SPOCK3: variants seen among roughly 807,000 people sequenced by gnomAD.
SPOCK3 encodes SPARC (osteonectin), cwcv and kazal like domains proteoglycan 3, also known as testican-3.
A neutral mutation model predicts 56.6 loss-of-function variants in SPOCK3; 30 were observed. The ratio of observed to expected loss-of-function variants is 0.53; its 90% CI spans 0.40 to 0.72. The LOEUF is 0.72. SPOCK3 is among the 30% of genes least tolerant of loss of function. SPOCK3 has a pLI of 0.00. For synonymous variants in SPOCK3, 196 were observed against 183.3 expected, an observed-to-expected ratio of 1.07 and a Z score of -0.56; for missense variants, 527 against 530.0, an observed-to-expected ratio of 0.99 and a Z score of 0.06.
At chr4:166,796,170 T>G (rs1404727881) in intron 6 of SPOCK3, among the ~76,000 whole-genome samples, 1 of 152,206 alleles carries the variant, frequency 6.6e-6, no homozygotes, top group Non-Finnish European at 1.5e-5. Flanking sequence ...TTCTGTTGTT[T>G]ATAAGCCTGT....
At chr4:166,769,187 C>T (rs779916738) in intron 7 of SPOCK3, among the ~76,000 whole-genome samples, 1 of 152,180 alleles carries the variant, frequency 6.6e-6, no homozygotes, top group Non-Finnish European at 1.5e-5. Flanking sequence ...TCTCTCAACT[C>T]GTCAAAGTTA....
At chr4:166,736,279 A>C (rs544139924) in intron 10 of SPOCK3, among the ~76,000 whole-genome samples, 57 of 152,102 alleles carry the variant, frequency 3.7e-4, no homozygotes, top group Admixed American at 1.4e-3. Flanking sequence ...TCATCTCCAT[A>C]TAACTTTTAT....
At chr4:166,783,311 A>T (rs1740378432) in intron 7 of SPOCK3, among the ~76,000 whole-genome samples, 1 of 152,054 alleles carries the variant, frequency 6.6e-6, no homozygotes, top group Admixed American at 6.6e-5. Flanking sequence ...GTGAGCTGAG[A>T]TCATGCCACT....
intron 7 of SPOCK3, among the ~76,000 whole-genome samples, chr4:166,790,037 T>C (rs995514685): frequency 2.0e-5 from 3 of 152,216 alleles, no homozygotes; most frequent in African/African-American, 7.2e-5. Flanking sequence ...AGGGCACTAA[T>C]TGAGTGACTA....
At chr4:166,874,914 C>A (rs1732918232) in intron 6 of SPOCK3, among the ~76,000 whole-genome samples, 1 of 152,074 alleles carries the variant, frequency 6.6e-6, no homozygotes. Flanking sequence ...TATAAATAGA[C>A]TAGAATATCA....
At chr4:166,887,463 C>T (rs1353561989) in intron 6 of SPOCK3, among the ~76,000 whole-genome samples, 1 of 152,052 alleles carries the variant, frequency 6.6e-6, no homozygotes, top group Non-Finnish European at 1.5e-5. Flanking sequence ...TCAGTTTTGT[C>T]TTCAATTTAA....
At chr4:167,036,581 G>A (rs1329570262) in intron 3 of SPOCK3, among the ~76,000 whole-genome samples, 1 of 152,140 alleles carries the variant, frequency 6.6e-6, no homozygotes, top group Non-Finnish European at 1.5e-5. Context: ...AGTAGCTCAT[G>A]CCTTTAAGAT....
At chr4:167,109,366 A>G (rs1760631736) in intron 2 of SPOCK3, among the ~76,000 whole-genome samples, 1 of 8,348 alleles carries the variant, frequency 1.2e-4, no homozygotes, top group Non-Finnish European at 3.3e-4. Context: ...ATATATTTAT[A>G]TATATATTTA....
chr4:166,912,282 T>A (rs1203375268), intron 5 of SPOCK3, among the ~76,000 whole-genome samples: 1 of 152,158 alleles, frequency 6.6e-6, no homozygotes, highest in Non-Finnish European at 1.5e-5. Flanking sequence ...ATAATTCTAA[T>A]GACAGATTGT....
chr4:167,114,390 A>G (rs757284268), intron 2 of SPOCK3, among the ~76,000 whole-genome samples: 3 of 152,182 alleles, frequency 2.0e-5, no homozygotes, highest in Non-Finnish European at 4.4e-5. Context: ...GAACCCGAAC[A>G]GAGTTTCTTC....
intron 2 of SPOCK3, among the ~76,000 whole-genome samples, chr4:167,220,183 GAATTT>G (rs1395711889): frequency 6.6e-5 from 10 of 152,062 alleles, no homozygotes; most frequent in Middle Eastern, 3.4e-3. Context: ...GTGAATCCTA[GAATTT>G]AATTAAAGAA....
chr4:166,940,035 T>C (rs2150013569), intron 4 of SPOCK3, among the ~76,000 whole-genome samples: 1 of 152,276 alleles, frequency 6.6e-6, no homozygotes, highest in East Asian at 1.9e-4. Context: ...AGGAAAGATA[T>C]TTAAAATGGG....
At chr4:166,942,996 A>G (rs571934404) in intron 4 of SPOCK3, among the ~76,000 whole-genome samples, 1 of 152,328 alleles carries the variant, frequency 6.6e-6, no homozygotes, top group East Asian at 1.9e-4. Flanking sequence ...CTTCCATACC[A>G]GGAAAGAAGA....
At chr4:166,933,222 C>A (rs548481311) in intron 4 of SPOCK3, among the ~76,000 whole-genome samples, 1 of 152,002 alleles carries the variant, frequency 6.6e-6, no homozygotes, top group Non-Finnish European at 1.5e-5. Flanking sequence ...TCTAATTTTG[C>A]CACTCTCTTG....
At chr4:167,021,877 T>C (rs1751218620) in intron 3 of SPOCK3, among the ~76,000 whole-genome samples, 1 of 152,050 alleles carries the variant, frequency 6.6e-6, no homozygotes, top group Non-Finnish European at 1.5e-5. Context: ...AATGTACATT[T>C]TAACTAAAGG....
At chr4:166,900,127 G>C (rs954744584) in intron 5 of SPOCK3, among the ~76,000 whole-genome samples, 2 of 152,152 alleles carry the variant, frequency 1.3e-5, no homozygotes, top group Non-Finnish European at 2.9e-5. Context: ...TTCTGGTAAT[G>C]CTGCCACTGT....
chr4:167,102,477 T>TA (rs1759734800), intron 2 of SPOCK3: 1 of 152,072 alleles, frequency 6.6e-6, no homozygotes, highest in Non-Finnish European at 1.5e-5. Flanking sequence ...CTGAAGATGG[T>TA]AAAAAAGACA....
At chr4:167,198,091 A>G (rs1733142373) in intron 2 of SPOCK3, among the ~76,000 whole-genome samples, 1 of 152,238 alleles carries the variant, frequency 6.6e-6, no homozygotes, top group African/African-American at 2.4e-5. Flanking sequence ...AACAGAATAT[A>G]GCTGGAATCA....
chr4:167,203,236 T>G (rs1733692484), intron 2 of SPOCK3, among the ~76,000 whole-genome samples: 1 of 152,008 alleles, frequency 6.6e-6, no homozygotes, highest in Non-Finnish European at 1.5e-5. Flanking sequence ...TTGTATGTAT[T>G]AGAAATCCAA....
Sources: gnomAD v4.1 joint callset for allele counts (sites outside exome capture counted in the v4.1 genomes callset) on GRCh38, gnomAD v4.1.1 for gene constraint, MANE v1.5 for transcripts, NCBI Gene and HGNC (gene_info 2026-07-23, HGNC 2026-07-21) for gene names.